CFAP97D2: variants seen among roughly 807,000 people sequenced by gnomAD.
The protein encoded by CFAP97D2 is uncharacterized protein CFAP97D2.
intron 1 of CFAP97D2, among the ~76,000 whole-genome samples, chr13:114,191,676 A>AT (rs1400419929): frequency 6.6e-6 from 1 of 152,238 alleles, no homozygotes; most frequent in Admixed American, 6.5e-5. Flanking sequence ...TTGGAAGACA[A>AT]AATGGCAGTT....
At chr13:114,206,861 C>G (rs1260395293) in intron 3 of CFAP97D2, among the ~76,000 whole-genome samples, 2 of 152,210 alleles carry the variant, frequency 1.3e-5, no homozygotes, top group Admixed American at 1.3e-4. Context: ...GCCCATTCAC[C>G]AAACCTACTG....
rs1191078570 is a variant in CFAP97D2, at chr13:114,200,458, C to T, written c.290+15C>T. 1.3e-5 allele frequency: 5 copies of T among 398,512 alleles called. No individual in the cohort carries two copies. The highest frequency in any genetic ancestry group is 2.1e-5 in the African/African-American group (1 of 48,644). 24.7% of individuals were successfully genotyped at this position (398,512 alleles called of 1,614,324 possible). ...AAGCACAGGAGGTAAGGGAGCGGCT[C>T]CTGCCATCCCACCCGGCTCAGCACC... On this transcript the variant is annotated intron_variant, in intron 3 of 4. Coordinates refer to ENST00000646158, the Ensembl canonical transcript of CFAP97D2.
At chr13:114,188,739 T>C (rs1382317345) in intron 1 of CFAP97D2, among the ~76,000 whole-genome samples, 1 of 143,756 alleles carries the variant, frequency 7.0e-6, no homozygotes, top group East Asian at 2.0e-4. Context: ...ATTGCGCCAC[T>C]GCACTCCAGC....
In CFAP97D2 at chr13:114,185,574, C is replaced by A. The variant is rs1046475171; in HGVS notation, c.90+6154C>A. 6.6e-6 allele frequency among the ~76,000 whole-genome samples: 1 copy of A among 152,210 alleles called. No individual in the cohort carries two copies. Among genetic ancestry groups the A allele is most frequent in the Non-Finnish European group, 1.5e-5 (1 of 68,028 alleles). Reference sequence around the variant, plus strand: ...TGTGTGGTTCTGCACTCTCAGGAGCCCAGGAAGGCCCCCTGTCTCCCCGCA... The same window carrying A: ...TGTGTGGTTCTGCACTCTCAGGAGCACAGGAAGGCCCCCTGTCTCCCCGCA... On this transcript the variant is annotated intron_variant, in intron 1 of 4. Coordinates refer to ENST00000646158, the Ensembl canonical transcript of CFAP97D2. This position sits in a 1 kb window ranked among gnomAD's most constrained non-coding sequence, Gnocchi z 5.2.
At chr13:114,201,194 C>T (rs1297490740) in intron 3 of CFAP97D2, among the ~76,000 whole-genome samples, 1 of 152,190 alleles carries the variant, frequency 6.6e-6, no homozygotes, top group African/African-American at 2.4e-5. Flanking sequence ...GCATCTTACA[C>T]ATCCTAGAGT....
At position 114,211,293 on chromosome 13, in the gene CFAP97D2, G is replaced by A. The variant is rs554508901; in HGVS notation, c.291-619G>A. Among the ~76,000 whole-genome samples, 101 of 152,248 alleles carry A rather than the reference G, an allele frequency of 6.6e-4. No individual in the cohort carries two copies. Among genetic ancestry groups the A allele is most frequent in the African/African-American group, 2.0e-3 (83 of 41,570 alleles). Reference sequence around the variant, plus strand: ...CTCACCACTGCAGTGGGCTGGCATCGATGCCCCTCCCTCCCACTTCATGCT... The same window carrying A: ...CTCACCACTGCAGTGGGCTGGCATCAATGCCCCTCCCTCCCACTTCATGCT... On this transcript the variant is annotated intron_variant, in intron 3 of 4. Transcript: ENST00000646158. This position sits in a 1 kb window ranked among gnomAD's most constrained non-coding sequence, Gnocchi z 4.2.
intron 3 of CFAP97D2, among the ~76,000 whole-genome samples, chr13:114,209,446 C>G (rs2080956763): frequency 6.6e-6 from 1 of 152,236 alleles, no homozygotes; most frequent in Non-Finnish European, 1.5e-5. Context: ...ACACCTTTCT[C>G]CTCCGTGTCT....
At chr13:114,220,918 G>A (rs1174122182) in intron 4 of CFAP97D2, among the ~76,000 whole-genome samples, 1 of 152,216 alleles carries the variant, frequency 6.6e-6, no homozygotes, top group Non-Finnish European at 1.5e-5. Flanking sequence ...TCACGTCAGG[G>A]TTAAGTGAAT....
chr13:114,216,875 C>T (rs2080996056), intron 4 of CFAP97D2, among the ~76,000 whole-genome samples: 2 of 152,308 alleles, frequency 1.3e-5, no homozygotes, highest in South Asian at 4.1e-4. Flanking sequence ...CACTGTCTTC[C>T]ACAATGGTTG....
rs997573288 is a variant in CFAP97D2, at chr13:114,203,707, G to A, written c.290+3264G>A. Among the ~76,000 whole-genome samples the A allele has an allele frequency of 6.6e-6, 1 of 152,224 alleles. No homozygotes were observed. The highest frequency in any genetic ancestry group is 1.5e-5 in the Non-Finnish European group (1 of 68,038). On this transcript the variant is annotated intron_variant, in intron 3 of 4. Coordinates refer to ENST00000646158, the Ensembl canonical transcript of CFAP97D2. This position sits in a 1 kb window ranked among gnomAD's most constrained non-coding sequence, Gnocchi z 4.3. Reference sequence around the variant, plus strand: ...AATCCCAGGCCACCACACAGGAACTGAAGAGGCCAGGCTCCTCCCCTGCCC... The same window carrying A: ...AATCCCAGGCCACCACACAGGAACTAAAGAGGCCAGGCTCCTCCCCTGCCC...
Position 114,204,353 on chromosome 13 carries a change from G to C in CFAP97D2, c.290+3910G>C, listed in dbSNP as rs1420470104. The stretch of plus-strand genomic sequence containing the variant: ...AGGGCTGCGTGTTCTGGACCATGAA[G>C]AAAGGCAGACTTGTCGCTTACCTGC... On this transcript the variant is annotated intron_variant, in intron 3 of 4. Coordinates refer to ENST00000646158, the Ensembl canonical transcript of CFAP97D2. Among the ~76,000 whole-genome samples, 9 of 152,204 alleles carry C rather than the reference G, an allele frequency of 5.9e-5. No homozygotes were observed. In the East Asian group the frequency reaches 1.7e-3, roughly 29 times the overall value.
At chr13:114,188,355 AAC>A (rs1177373120) in intron 1 of CFAP97D2, among the ~76,000 whole-genome samples, 1 of 152,132 alleles carries the variant, frequency 6.6e-6, no homozygotes, top group East Asian at 1.9e-4. Context: ...TGAAAATGGA[AAC>A]ACAACTTACC....
chr13:114,185,460 G>A lies in CFAP97D2; in HGVS notation c.90+6040G>A, dbSNP rs894022159. Among the ~76,000 whole-genome samples the A allele has an allele frequency of 6.6e-6, 1 of 152,194 alleles. No homozygotes were observed. Among genetic ancestry groups the A allele is most frequent in the Non-Finnish European group, 1.5e-5 (1 of 68,036 alleles). On this transcript the variant is annotated intron_variant, in intron 1 of 4. Transcript: ENST00000646158. The surrounding 1 kb of genome is among the most constrained non-coding windows in gnomAD (Gnocchi z 5.2). ...CGGAGCCTGTGGGAGCCAGGAATGA[G>A]TGGGAGCCCCACCCCTTCTGAGTTG... is the stretch of plus-strand genomic sequence containing the variant.
chr13:114,222,818 G>A (rs143718904), downstream of CFAP97D2: 10 of 338,840 alleles, frequency 3.0e-5, no homozygotes, highest in South Asian at 1.5e-4. The surrounding 1 kb of genome is among the most constrained non-coding windows in gnomAD (Gnocchi z 4.4). Context: ...CAATGTGCCC[G>A]AGCAGATGAC....
At chr13:114,218,689 A>G (rs2081006502) in intron 4 of CFAP97D2, among the ~76,000 whole-genome samples, 1 of 152,222 alleles carries the variant, frequency 6.6e-6, no homozygotes, top group African/African-American at 2.4e-5. Flanking sequence ...ATATAGACCA[A>G]TGGAACAGAA....
intron 1 of CFAP97D2, among the ~76,000 whole-genome samples, chr13:114,181,827 C>T (rs1436571194): frequency 6.6e-6 from 1 of 152,122 alleles, no homozygotes; most frequent in African/African-American, 2.4e-5. Flanking sequence ...CATCCTCAGC[C>T]CAGCCTTCCC....
exon 3 of CFAP97D2, chr13:114,200,364 C>T (rs980895069): frequency 2.0e-5 from 8 of 398,562 alleles, no homozygotes; most frequent in Non-Finnish European, 3.1e-5. Flanking sequence ...GAGGGACAAC[C>T]GCCTGCTCCT....
intron 4 of CFAP97D2, among the ~76,000 whole-genome samples, chr13:114,216,246 C>T (rs561163552): frequency 6.6e-6 from 1 of 152,330 alleles, no homozygotes; most frequent in South Asian, 2.1e-4. Context: ...GTCACCTCCA[C>T]TGCCCTCCTC....
intron 4 of CFAP97D2, chr13:114,215,727 G>A (rs1378734119): frequency 1.3e-5 from 2 of 152,208 alleles, no homozygotes; most frequent in Non-Finnish European, 2.9e-5. Flanking sequence ...GCTTTCCCAT[G>A]TCCTCACCAA....
Sources: allele counts gnomAD v4.1 joint callset (sites outside exome capture counted in the v4.1 genomes callset), GRCh38; gene constraint gnomAD v4.1.1; non-coding constraint Gnocchi (gnomAD v3.1); transcripts MANE v1.5; gene names NCBI Gene and HGNC (gene_info 2026-07-23, HGNC 2026-07-21).